POLG: variants seen among roughly 807,000 people sequenced by gnomAD.
POLG encodes the protein DNA polymerase subunit gamma-1.
In POLG, 110 loss-of-function variants were observed where a neutral mutation model predicts 155.4. That is an observed-to-expected ratio of 0.71 (90% CI 0.61 to 0.83). The LOEUF is 0.83. POLG is among the 40% of genes least tolerant of loss of function. The pLI, the probability that POLG is intolerant of heterozygous loss-of-function variation, is 0.00. For missense variants in POLG, 1,685 were observed against 1,627.5 expected, an observed-to-expected ratio of 1.04 and a Z score of -0.61; for synonymous variants, 701 against 631.5, an observed-to-expected ratio of 1.11 and a Z score of -1.65.
rs769214289 is a variant in POLG, at chr15:89,333,651, G to T, written c.104C>A (p.Pro35His). ...WVSSSVPASD[P>H]SDGQRRRQQQ... Reference sequence around the variant, plus strand: ...CTGCCGCCGCCGCTGCCCGTCGCTGGGGTCGGACGCGGGGACGGAGCTGGA... The same window carrying T: ...CTGCCGCCGCCGCTGCCCGTCGCTGTGGTCGGACGCGGGGACGGAGCTGGA... The change falls in exon 2 of 23, where the codon CCC (proline) becomes CAC (histidine). Residue 35 changes from proline to histidine, a missense_variant. By Grantham distance (77) the Pro-to-His change is moderately conservative. This residue lies in a region of POLG where 1,210 missense variants were observed against 1,167.1 expected (regional missense o/e 1.04). Coordinates refer to ENST00000268124, the MANE Select transcript of POLG (RefSeq NM_002693.3). 3 of 1,581,486 alleles carry T rather than the reference G, an allele frequency of 1.9e-6. No individual in the cohort carries two copies. The highest frequency in any genetic ancestry group is 2.6e-6 in the Non-Finnish European group (3 of 1,168,198).
rs78955020 is a variant in POLG at position 89,324,849 on chromosome 15, T to A, written c.1949+601A>T. 6.9e-3 allele frequency among the ~76,000 whole-genome samples: 1,054 copies of A among 152,262 alleles called. 16 individuals carry two copies. The highest frequency in any genetic ancestry group is 0.024 in the African/African-American group (1,007 of 41,560). On this transcript the variant is annotated intron_variant, in intron 10 of 22. Transcript: ENST00000268124. ...TATCACTCAAATTATATACACACACTTTTTTAAAAGCCCATCTCCCTGCTA... is the reference window on the plus strand; with the variant it reads ...TATCACTCAAATTATATACACACACATTTTTAAAAGCCCATCTCCCTGCTA...
intron 13 of POLG, 30 bp downstream of exon 13, chr15:89,323,373 AC>A: frequency 7.1e-7 from 1 of 1,409,628 alleles, no homozygotes; most frequent in Non-Finnish European, 1.0e-6. Context: ...ATGAGGAAAC[AC>A]CACAGGACAG....
intron 10 of POLG, among the ~76,000 whole-genome samples, chr15:89,324,875 C>T (rs1268257686): frequency 6.6e-6 from 1 of 152,242 alleles, no homozygotes; most frequent in Non-Finnish European, 1.5e-5. Context: ...CTCCCTGCTA[C>T]TTGTAACAGC....
At position 89,317,415 on chromosome 15, in the gene POLG, T is replaced by G; in HGVS notation, c.3604A>C (p.Asn1202His). Residue 1202 changes from asparagine to histidine, a missense_variant, in exon 22 of 23, where the codon AAC becomes CAC. Physicochemically the swap from Asn to His is moderately conservative, Grantham distance 68. This residue lies in a region of POLG where 470 missense variants were observed against 439.9 expected (regional missense o/e 1.07). Coordinates refer to ENST00000268124, the MANE Select transcript of POLG (RefSeq NM_002693.3). Reference protein sequence around the residue: ...EVTMDCKTPSNPTGMERRYGI... With the variant: ...EVTMDCKTPSHPTGMERRYGI... ...TATCTCCTTTCCATCCCAGTTGGGT[T>G]GGAAGGGGTTTTACAATCCATGGTC... The G allele has an allele frequency of 6.2e-7, 1 of 1,614,166 alleles. No homozygotes were observed. Among genetic ancestry groups the G allele is most frequent in the Non-Finnish European group, 8.5e-7 (1 of 1,180,016 alleles).
chr15:89,327,247 A>C lies in POLG; in HGVS notation c.1353T>G (p.Thr451=), dbSNP rs1409853470. 1 of 1,614,070 alleles carries C rather than the reference A, an allele frequency of 6.2e-7. No individual in the cohort carries two copies. Among genetic ancestry groups the C allele is most frequent in the Non-Finnish European group, 8.5e-7 (1 of 1,180,036 alleles). Reference sequence around the variant, plus strand: ...TCATCTCCCGCTGGAGCTCCTCATAAGTGCCCTGTGCCTCTGCCAGGTAAC... The same window carrying C: ...TCATCTCCCGCTGGAGCTCCTCATACGTGCCCTGTGCCTCTGCCAGGTAAC... ...WERYLAEAQG[T]YEELQREMKK... is the part of the protein sequence containing the mutation. The change falls in exon 7 of 23, where the codon ACT becomes ACG. Residue 451 remains threonine, a synonymous_variant. Coordinates refer to ENST00000268124, the MANE Select transcript of POLG (RefSeq NM_002693.3).
At chr15:89,325,728 G>T in intron 9 of POLG, 42 bp from the exon 10 acceptor site, 1 of 1,437,076 alleles carries the variant, frequency 7.0e-7, no homozygotes, top group Non-Finnish European at 9.7e-7. Context: ...GATGGTAAGG[G>T]CAGTTGTTGG....
Position 89,316,555 on chromosome 15 carries a change from G to A in POLG, c.*196C>T. On this transcript the variant is annotated 3_prime_UTR_variant, in exon 23 of 23. Coordinates refer to ENST00000268124, the MANE Select transcript of POLG (RefSeq NM_002693.3). ...TTGTCCTGTAGTCCACACCGATGTT[G>A]GCATCTTGGTTCTGAACCCACTGAA... 1 of 1,331,014 alleles carries A rather than the reference G, an allele frequency of 7.5e-7. No individual in the cohort carries two copies. Among genetic ancestry groups the A allele is most frequent in the South Asian group, 1.2e-5 (1 of 80,600 alleles). 82.5% of individuals were successfully genotyped at this position (1,331,014 alleles called of 1,614,324 possible). A position where few individuals can be genotyped will look rare whatever the true frequency, so the allele number is the denominator to read the frequency against.
chr15:89,326,883 C>A, intron 8 of POLG, 29 bp downstream of exon 8: 2 of 1,613,578 alleles, frequency 1.2e-6, no homozygotes, highest in Middle Eastern at 1.6e-4. Context: ...AACCCCTACC[C>A]TACCCTACCT....
Position 89,329,050 on chromosome 15 carries a change from T to C in POLG, c.916A>G (p.Ser306Gly), listed in dbSNP as rs896972079. Residue 306 changes from serine (S) to glycine (G), a missense_variant, in exon 4 of 23, where the codon AGC becomes GGC. This residue lies in a region of POLG where 1,210 missense variants were observed against 1,167.1 expected (regional missense o/e 1.04). Transcript: ENST00000268124. ...GCTATCCACAGACTGCGCTGGAAGCTGCTTAGCCCTGAGATGGCCATGTGC... is the reference window on the plus strand; with the variant it reads ...GCTATCCACAGACTGCGCTGGAAGCCGCTTAGCCCTGAGATGGCCATGTGC... The part of the protein sequence containing the change: ...SMHMAISGLS[S>G]FQRSLWIAAK... 17 of 1,613,186 alleles carry C rather than the reference T, an allele frequency of 1.1e-5. No individual in the cohort carries two copies. The highest frequency in any genetic ancestry group is 1.4e-5 in the Non-Finnish European group (17 of 1,180,014).
intron 10 of POLG, 97 bp downstream of exon 10, chr15:89,325,353 C>A: frequency 1.2e-6 from 1 of 807,482 alleles, no homozygotes. Context: ...TGAACCCAGA[C>A]TCTTGAACCC....
intron 9 of POLG, among the ~76,000 whole-genome samples, chr15:89,326,241 C>T (rs1384998058): frequency 2.0e-5 from 3 of 152,204 alleles, no homozygotes; most frequent in Non-Finnish European, 4.4e-5. Context: ...AGGAAGCCTT[C>T]TTGATTTATT....
rs770554422 is a variant in POLG at position 89,328,947 on chromosome 15, G to C, written c.1019C>G (p.Pro340Arg). The change falls in exon 4 of 23, where the codon CCA becomes CGA. Residue 340 changes from proline to arginine, a missense_variant. This residue lies in a region of POLG where 1,210 missense variants were observed against 1,167.1 expected (regional missense o/e 1.04). Transcript: ENST00000268124. ...CCACCGGCAGTGTGCTCTCACCGCTGGGCCTCTTCTGGCTTTCCTCTGGGA... is the reference window on the plus strand; with the variant it reads ...CCACCGGCAGTGTGCTCTCACCGCTCGGCCTCTTCTGGCTTTCCTCTGGGA... ...QKSQRKARRGPAISSWDWLDI... is the reference protein window; with the variant it reads ...QKSQRKARRGRAISSWDWLDI... The C allele has an allele frequency of 6.2e-7, 1 of 1,614,112 alleles. No individual in the cohort carries two copies. Among genetic ancestry groups the C allele is most frequent in the Non-Finnish European group, 8.5e-7 (1 of 1,180,044 alleles).
Position 89,325,461 on chromosome 15 carries a change from G to A in POLG, c.1938C>T (p.Val646=). The A allele has an allele frequency of 1.2e-6, 2 of 1,601,526 alleles. No homozygotes were observed. Among genetic ancestry groups the A allele is most frequent in the Non-Finnish European group, 8.5e-7 (1 of 1,178,126 alleles). The change falls in exon 10 of 23, where the codon GTC becomes GTT. Residue 646 remains valine, a synonymous_variant. Transcript: ENST00000268124. ...TGTTLESAGV[V]CPYRAIESLY... is the part of the protein sequence containing the mutation. ...GGCCTAAGCCTTACCTGTAGGGGCA[G>A]ACCACCCCAGCTGACTCCAGGGTGG...
At chr15:89,324,019 C>G in intron 11 of POLG, 88 bp downstream of exon 11, 2 of 1,586,352 alleles carry the variant, frequency 1.3e-6, no homozygotes, top group Admixed American at 3.3e-5. Context: ...GCCACCAGTG[C>G]CAGCCTCCCA....
chr15:89,317,005 T>TTAGA (rs1291668510), intron 22 of POLG, 178 bp from the exon 23 acceptor site: 1 of 625,110 alleles, frequency 1.6e-6, no homozygotes, highest in East Asian at 2.8e-5. Context: ...TAAGTGTGTC[T>TTAGA]TAGATATATT....
chr15:89,317,206 ATATCACATTC>A (rs1186424496), intron 22 of POLG, 160 bp downstream of exon 22: 1 of 654,926 alleles, frequency 1.5e-6, no homozygotes, highest in Non-Finnish European at 2.7e-6. Flanking sequence ...CTGAAACATC[ATATCACATTC>A]ACTCTGGACA....
Position 89,320,839 on chromosome 15 carries a change from T to TA in POLG, c.2907dup (p.Asn970Ter). On this transcript the variant is annotated frameshift_variant, in exon 18 of 23. Transcript: ENST00000268124. LOFTEE classifies it high-confidence loss of function. ...GCCTCCTGCTGTGTGAGCCGGTGGT[T>TA]AAACTGCATTAGTAAGCGCTCAGCA... is the stretch of plus-strand genomic sequence containing the variant. The TA allele has an allele frequency of 6.2e-7, 1 of 1,613,946 alleles. No individual in the cohort carries two copies. The highest frequency in any genetic ancestry group is 8.5e-7 in the Non-Finnish European group (1 of 1,180,000).
At chr15:89,318,778 A>G in intron 20 of POLG, 29 bp from the exon 21 acceptor site, 1 of 1,597,214 alleles carries the variant, frequency 6.3e-7, no homozygotes. Context: ...CAGAGGTGAA[A>G]GGGGCTATGC....
rs761248036 is a variant in POLG at position 89,333,337 on chromosome 15, G to A, written c.418C>T (p.Arg140Cys). ...LYGDNLDQHF[R>C]LLAQKQSLPY... ...AGGCTCTGCTTCTGGGCCAGGAGGC[G>A]GAAGTGCTGGTCCAGGTTGTCCCCG... is the stretch of plus-strand genomic sequence containing the variant. Residue 140 changes from arginine to cysteine, a missense_variant, in exon 2 of 23, where the codon CGC (arginine) becomes TGC (cysteine). This residue lies in a region of POLG where 1,210 missense variants were observed against 1,167.1 expected (regional missense o/e 1.04). Transcript: ENST00000268124. The A allele has an allele frequency of 1.2e-5, 19 of 1,562,754 alleles. No homozygotes were observed. Among genetic ancestry groups the A allele is most frequent in the Admixed American group, 3.7e-5 (2 of 53,724 alleles).
Sources: allele counts gnomAD v4.1 joint callset (sites outside exome capture counted in the v4.1 genomes callset), GRCh38; gene constraint gnomAD v4.1.1; regional missense constraint gnomAD v4.1.1; transcripts MANE v1.5; gene names NCBI Gene and HGNC (gene_info 2026-07-23, HGNC 2026-07-21).